HAPSTR1: variants seen among roughly 807,000 people sequenced by gnomAD.
HAPSTR1 encodes HUWE1-associated protein modifying stress responses 1.
At chr16:9,105,684 T>A in the HAPSTR1 span, 3 of 152,234 alleles carry the variant, frequency 2.0e-5, no homozygotes, top group African/African-American at 7.2e-5. Context: ...CACAATTCAC[T>A]CTTGCATATT....
At chr16:9,116,605 G>A in the HAPSTR1 span, 2 of 1,567,226 alleles carry the variant, frequency 1.3e-6, no homozygotes, top group South Asian at 2.3e-5. Flanking sequence ...TGGAAAGTAA[G>A]TGGGTTGCTT....
At chr16:9,101,374 C>T in the HAPSTR1 span, among the ~76,000 whole-genome samples, 12 of 152,224 alleles carry the variant, frequency 7.9e-5, no homozygotes, top group African/African-American at 1.4e-4. Context: ...GGAGAAGTTA[C>T]TTCACTCTTG....
the HAPSTR1 span, chr16:9,092,880 T>G: frequency 6.6e-7 from 1 of 1,516,254 alleles, no homozygotes; most frequent in East Asian, 2.3e-5. Context: ...GTGTGTTTCT[T>G]TTTTCTTTTT....
the HAPSTR1 span, among the ~76,000 whole-genome samples, chr16:9,116,119 T>A: frequency 2.7e-3 from 408 of 152,338 alleles, 1 homozygote; most frequent in African/African-American, 9.6e-3. Context: ...GTAGAAATTT[T>A]AACAGTGACT....
the HAPSTR1 span, among the ~76,000 whole-genome samples, chr16:9,114,824 G>A: frequency 6.6e-6 from 1 of 152,222 alleles, no homozygotes; most frequent in Non-Finnish European, 1.5e-5. Context: ...TTAAACTTGG[G>A]TTTTCACCTG....
chr16:9,102,505 T>G, the HAPSTR1 span, among the ~76,000 whole-genome samples: 5 of 152,350 alleles, frequency 3.3e-5, no homozygotes, highest in South Asian at 1.0e-3. Flanking sequence ...GTTTTAGTGT[T>G]GAGCCATCAG....
chr16:9,100,205 G>A, the HAPSTR1 span, among the ~76,000 whole-genome samples: 1 of 152,186 alleles, frequency 6.6e-6, no homozygotes, highest in South Asian at 2.1e-4. Context: ...AATTTTTGAG[G>A]TGAAATAATT....
At chr16:9,100,668 G>T in the HAPSTR1 span, among the ~76,000 whole-genome samples, 1 of 152,072 alleles carries the variant, frequency 6.6e-6, no homozygotes, top group African/African-American at 2.4e-5. Context: ...CGAGTAGCTG[G>T]GATTACAGGT....
chr16:9,109,096 C>G, the HAPSTR1 span: 1 of 152,148 alleles, frequency 6.6e-6, no homozygotes. Context: ...CTGGAGGGAT[C>G]AGATCATTTA....
chr16:9,095,298 C>A, the HAPSTR1 span, among the ~76,000 whole-genome samples: 1 of 152,108 alleles, frequency 6.6e-6, no homozygotes, highest in Admixed American at 6.6e-5. Flanking sequence ...CTTTAGAGAA[C>A]AGGCATACAG....
At chr16:9,108,218 T>C in the HAPSTR1 span, 1 of 152,124 alleles carries the variant, frequency 6.6e-6, no homozygotes, top group Admixed American at 6.5e-5. Context: ...TTAACACTGT[T>C]GATGAAGAAA....
chr16:9,092,277 C>T, the HAPSTR1 span: 2 of 1,526,152 alleles, frequency 1.3e-6, no homozygotes, highest in African/African-American at 1.4e-5. Flanking sequence ...AAAGGTGAGG[C>T]CGCCGCCGCC....
the HAPSTR1 span, chr16:9,110,305 AT>A: frequency 1.2e-4 from 18 of 152,080 alleles, no homozygotes; most frequent in African/African-American, 4.3e-4. Flanking sequence ...TCGAAATCAG[AT>A]TTAGGGGTAT....
the HAPSTR1 span, chr16:9,093,089 C>A: frequency 2.3e-6 from 3 of 1,290,468 alleles, no homozygotes; most frequent in East Asian, 2.5e-5. Flanking sequence ...GTTTTCTGCT[C>A]CCCAGCCCAG....
chr16:9,121,457 C>A, the HAPSTR1 span: 56 of 152,306 alleles, frequency 3.7e-4, no homozygotes, highest in African/African-American at 1.3e-3. Flanking sequence ...AGTGACCTTT[C>A]AGTTTTAATC....
chr16:9,108,197 A>C, the HAPSTR1 span: 1 of 152,152 alleles, frequency 6.6e-6, no homozygotes, highest in Non-Finnish European at 1.5e-5. Flanking sequence ...CCTCACACCT[A>C]CCCTGGGTTA....
chr16:9,106,871 G>C, the HAPSTR1 span: 2 of 152,020 alleles, frequency 1.3e-5, no homozygotes, highest in East Asian at 3.9e-4. Context: ...TCGTTTTTAT[G>C]TAAACAGCAT....
At chr16:9,094,272 C>G in the HAPSTR1 span, among the ~76,000 whole-genome samples, 1 of 152,044 alleles carries the variant, frequency 6.6e-6, no homozygotes, top group Admixed American at 6.6e-5. Context: ...TTAAATAGTG[C>G]CTCAGTGGTT....
At chr16:9,103,088 A>T in the HAPSTR1 span, 1 of 1,614,192 alleles carries the variant, frequency 6.2e-7, no homozygotes, top group Admixed American at 1.7e-5. Flanking sequence ...CAGAAGAACT[A>T]TTCGTCGAGA....
Sources: gnomAD v4.1 joint callset for allele counts (sites outside exome capture counted in the v4.1 genomes callset) on GRCh38, gnomAD v4.1.1 for gene constraint, MANE v1.5 for transcripts, NCBI Gene and HGNC (gene_info 2026-07-23, HGNC 2026-07-21) for gene names.